Variants in CDK14 observed in about 807,000 individuals in gnomAD.
CDK14 encodes the protein cyclin dependent kinase 14.
Under a neutral mutation model 60.7 loss-of-function variants are expected in CDK14, and 34 were observed. The observed-to-expected ratio is 0.56, with a 90% CI of 0.43 to 0.75. The LOEUF is 0.75. Ranked by LOEUF, CDK14 falls within the 30% of genes least tolerant of loss-of-function variation. The pLI, the probability that CDK14 is intolerant of heterozygous loss-of-function variation, is 0.00. For synonymous variants in CDK14, 197 were observed against 203.7 expected, an observed-to-expected ratio of 0.97 and a Z score of 0.28; for missense variants, 482 against 564.1, an observed-to-expected ratio of 0.85 and a Z score of 1.47.
At chr7:91,106,398 A>G (rs1799296367) in intron 12 of CDK14, among the ~76,000 whole-genome samples, 1 of 152,244 alleles carries the variant, frequency 6.6e-6, no homozygotes, top group African/African-American at 2.4e-5. Flanking sequence ...AATGATGCTC[A>G]TTGAAATAAC....
intron 2 of CDK14, among the ~76,000 whole-genome samples, chr7:90,666,924 G>A (rs1378399042): frequency 6.6e-6 from 1 of 152,206 alleles, no homozygotes; most frequent in South Asian, 2.1e-4. Flanking sequence ...ACATGCAAAT[G>A]TAGAGAGAAG....
intron 4 of CDK14, among the ~76,000 whole-genome samples, chr7:90,787,067 T>C: frequency 6.6e-6 from 1 of 152,196 alleles, no homozygotes; most frequent in East Asian, 1.9e-4. Context: ...GCTTTAGAAC[T>C]GAGAGACTCA....
At chr7:90,893,279 T>G (rs1387837562) in intron 6 of CDK14, among the ~76,000 whole-genome samples, 1 of 152,096 alleles carries the variant, frequency 6.6e-6, no homozygotes, top group East Asian at 1.9e-4. Flanking sequence ...GAAGAAGAGG[T>G]GAGGCATAAT....
At chr7:90,812,481 G>C (rs1033416353) in intron 5 of CDK14, among the ~76,000 whole-genome samples, 3 of 152,120 alleles carry the variant, frequency 2.0e-5, no homozygotes, top group African/African-American at 4.8e-5. Context: ...GTTGGGGAAG[G>C]GGGGACGGAT....
intron 2 of CDK14, among the ~76,000 whole-genome samples, chr7:90,661,329 T>C (rs6465277): frequency 0.31 from 46,465 of 152,056 alleles, 7,985 homozygotes; most frequent in East Asian, 0.67. Context: ...TGTACAACTC[T>C]GAGGGACACT....
intron 14 of CDK14, among the ~76,000 whole-genome samples, chr7:91,129,632 G>T (rs540216047): frequency 1.3e-5 from 2 of 152,108 alleles, no homozygotes; most frequent in East Asian, 3.9e-4. Flanking sequence ...TGGGTATTTG[G>T]CAGACATCTT....
At chr7:90,944,688 T>C (rs1239857577) in intron 8 of CDK14, among the ~76,000 whole-genome samples, 1 of 152,210 alleles carries the variant, frequency 6.6e-6, no homozygotes, top group Non-Finnish European at 1.5e-5. Context: ...GCTGTGATTG[T>C]GCCACAGCAC....
intron 2 of CDK14, among the ~76,000 whole-genome samples, chr7:90,666,023 C>T (rs927944544): frequency 2.6e-5 from 4 of 152,138 alleles, no homozygotes; most frequent in Non-Finnish European, 5.9e-5. Context: ...CTCAGTAGCC[C>T]AGCAGAGTTC....
intron 5 of CDK14, among the ~76,000 whole-genome samples, chr7:90,845,361 C>A (rs1213235762): frequency 1.3e-5 from 2 of 151,912 alleles, no homozygotes; most frequent in Admixed American, 1.3e-4. Flanking sequence ...TGTTTTTATT[C>A]CACTTGTTTT....
At chr7:91,109,247 T>C (rs1799405235) in intron 12 of CDK14, among the ~76,000 whole-genome samples, 1 of 152,132 alleles carries the variant, frequency 6.6e-6, no homozygotes, top group African/African-American at 2.4e-5. Context: ...ACTTAATTGT[T>C]TTATTATACA....
chr7:90,678,371 G>A (rs190808530), intron 2 of CDK14, among the ~76,000 whole-genome samples: 2 of 152,260 alleles, frequency 1.3e-5, no homozygotes, highest in Admixed American at 1.3e-4. Context: ...TGGCACATGA[G>A]AGAATAAACC....
At chr7:91,070,093 A>G (rs922231304) in intron 11 of CDK14, among the ~76,000 whole-genome samples, 6 of 152,148 alleles carry the variant, frequency 3.9e-5, no homozygotes, top group African/African-American at 1.4e-4. Flanking sequence ...CACCACACCC[A>G]GCCTGTGTAT....
intron 6 of CDK14, among the ~76,000 whole-genome samples, chr7:90,865,862 G>A (rs367619683): frequency 2.0e-5 from 3 of 152,260 alleles, no homozygotes; most frequent in East Asian, 3.9e-4. Context: ...AGATGAAGCA[G>A]TTATTTCCAA....
At chr7:90,799,743 G>C (rs536130326) in intron 5 of CDK14, among the ~76,000 whole-genome samples, 35 of 142,838 alleles carry the variant, frequency 2.5e-4, no homozygotes, top group Admixed American at 1.8e-3. Flanking sequence ...TCATACGGCA[G>C]AGCCTATACT....
rs569462524 is a variant in CDK14 at position 90,688,389 on chromosome 7, A to G, written c.124-38178A>G. ...TCTTACGATCATATTGAAGAAACTT[A>G]ACTTGATGATTTAATCTTTTTCTCT... On this transcript the variant is annotated intron_variant, in intron 2 of 14. Coordinates refer to ENST00000380050, the MANE Select transcript of CDK14 (RefSeq NM_001287135.2). Among the ~76,000 whole-genome samples, 50 of 152,104 alleles carry G rather than the reference A, an allele frequency of 3.3e-4. No individual in the cohort carries two copies. In the South Asian group the frequency reaches 0.01, roughly 31 times the overall value.
intron 2 of CDK14, among the ~76,000 whole-genome samples, chr7:90,659,901 G>A (rs1259929015): frequency 2.7e-5 from 4 of 150,260 alleles, no homozygotes; most frequent in Non-Finnish European, 5.9e-5. Flanking sequence ...GTGTGTGTGT[G>A]CACGCACGTG....
intron 2 of CDK14, among the ~76,000 whole-genome samples, chr7:90,644,057 A>G (rs1381394831): frequency 6.6e-6 from 1 of 152,176 alleles, no homozygotes; most frequent in Non-Finnish European, 1.5e-5. Flanking sequence ...AATTGGGTTA[A>G]TGTCCTTATG....
At chr7:90,984,334 A>G in intron 10 of CDK14, 93 bp downstream of exon 10, 1 of 824,254 alleles carries the variant, frequency 1.2e-6, no homozygotes, top group Non-Finnish European at 2.0e-6. Flanking sequence ...AAATAATTTA[A>G]AACAAAATTT....
Position 90,809,841 on chromosome 7 carries a change from C to T in CDK14, c.544+19189C>T, listed in dbSNP as rs1208924437. Reference sequence around the variant, plus strand: ...CTACCATCAGAGAATACTATGAACACCTCTATGCAAATAAACTAGAAAATC... The same window carrying T: ...CTACCATCAGAGAATACTATGAACATCTCTATGCAAATAAACTAGAAAATC... On this transcript the variant is annotated intron_variant, in intron 5 of 14. Coordinates refer to ENST00000380050, the MANE Select transcript of CDK14 (RefSeq NM_001287135.2). Among the ~76,000 whole-genome samples the T allele has an allele frequency of 7.2e-5, 11 of 152,316 alleles. No individual in the cohort carries two copies. In the East Asian group the frequency reaches 2.1e-3, roughly 29 times the overall value.
Sources: allele counts gnomAD v4.1 joint callset (sites outside exome capture counted in the v4.1 genomes callset), GRCh38; gene constraint gnomAD v4.1.1; transcripts MANE v1.5; gene names NCBI Gene and HGNC (gene_info 2026-07-23, HGNC 2026-07-21).